Variants in CELF1 observed in about 807,000 individuals in gnomAD.
CELF1 encodes 50 kDa nuclear polyadenylated RNA-binding protein.
CELF1 carries 10 observed loss-of-function variants against 61.8 expected under a neutral mutation model. The ratio of observed to expected loss-of-function variants is 0.16; its 90% CI spans 0.10 to 0.27. The LOEUF is 0.27. Among genes scored for constraint, CELF1 ranks in the 10% least tolerant of loss-of-function variants. The probability of loss-of-function intolerance (pLI) is 1.00; values close to 1 mark genes in which losing one functional copy is unlikely to be tolerated. For synonymous variants in CELF1, 236 were observed against 225.1 expected, an observed-to-expected ratio of 1.05 and a Z score of -0.43; for missense variants, 380 against 639.1, an observed-to-expected ratio of 0.59 and a Z score of 4.37.
At chr11:47,513,760 C>CA (rs2095386636) in intron 1 of CELF1, 1 of 144,150 alleles carries the variant, frequency 6.9e-6, no homozygotes, top group Non-Finnish European at 1.5e-5. Flanking sequence ...CGGCCACCCT[C>CA]TTTTTTTTTT....
At chr11:47,475,007 T>C (rs2079356644) in intron 13 of CELF1, among the ~76,000 whole-genome samples, 1 of 152,232 alleles carries the variant, frequency 6.6e-6, no homozygotes, top group Non-Finnish European at 1.5e-5. Context: ...GATCCTCTGA[T>C]AGATTTGTAA....
intron 1 of CELF1, among the ~76,000 whole-genome samples, chr11:47,508,026 A>G (rs1184124621): frequency 6.6e-6 from 1 of 152,204 alleles, no homozygotes; most frequent in East Asian, 1.9e-4. Context: ...ATCCTTTATC[A>G]TTATGACCAT....
At chr11:47,564,171 C>CAA (rs779009192) in intron 2 of CELF1, among the ~76,000 whole-genome samples, 12,247 of 62,810 alleles carry the variant, frequency 0.19, 968 homozygotes, top group African/African-American at 0.26. Flanking sequence ...ACTAAAAATA[C>CAA]AAAAAAAAAA....
intron 1 of CELF1, among the ~76,000 whole-genome samples, chr11:47,540,114 C>A (rs1244115929): frequency 3.9e-5 from 6 of 152,198 alleles, no homozygotes; most frequent in Non-Finnish European, 4.4e-5. Context: ...CTGAACCACT[C>A]CCCTAAAGTA....
At chr11:47,477,680 G>A (rs1017075895) in intron 10 of CELF1, 1 of 361,164 alleles carries the variant, frequency 2.8e-6, no homozygotes, top group Non-Finnish European at 5.2e-6. Context: ...TAAAGGTGTG[G>A]GCAATTAGGA....
rs2097182960 is a variant in CELF1 at position 47,552,976 on chromosome 11, C to G, written c.-154+16G>C. 1 of 397,814 alleles carries G rather than the reference C, an allele frequency of 2.5e-6. No individual in the cohort carries two copies. The highest frequency in any genetic ancestry group is 4.4e-5 in the Admixed American group (1 of 22,686). The allele number at this position is 397,814 out of a possible 1,614,324, so 24.6% of individuals were successfully genotyped here. ...CTCCCTCCCGCGGCCCGTTATCCTG[C>G]GGCCGCAGCACTCACCAGCGGCTGC... On this transcript the variant is annotated intron_variant, in intron 1 of 14. Coordinates refer to ENST00000687097, the MANE Select transcript of CELF1 (RefSeq NM_001376376.1).
chr11:47,488,780 C>A, intron 4 of CELF1, 57 bp downstream of exon 4: 1 of 1,333,790 alleles, frequency 7.5e-7, no homozygotes, highest in Non-Finnish European at 9.8e-7. Flanking sequence ...CCAAAGCCCT[C>A]ACCTGCTCTG....
At chr11:47,529,095 T>G (rs1478430735) in intron 1 of CELF1, among the ~76,000 whole-genome samples, 4 of 150,408 alleles carry the variant, frequency 2.7e-5, no homozygotes, top group African/African-American at 9.7e-5. Context: ...TTTTTTTTTT[T>G]GAGACAGAGT....
Position 47,469,831 on chromosome 11 carries a change from G to A in CELF1, c.*2399C>T, listed in dbSNP as rs1400066830. 6.6e-6 allele frequency: 1 copy of A among 152,230 alleles called. No individual in the cohort carries two copies. Among genetic ancestry groups the A allele is most frequent in the African/African-American group, 2.4e-5 (1 of 41,448 alleles). 9.4% of individuals were successfully genotyped at this position (152,230 alleles called of 1,614,324 possible). Reference sequence around the variant, plus strand: ...GGCCTCTTATGTCATTAGGAAAGGGGTTTCATAAGGTCCCAGAGCCCAGGA... The same window carrying A: ...GGCCTCTTATGTCATTAGGAAAGGGATTTCATAAGGTCCCAGAGCCCAGGA... On this transcript the variant is annotated 3_prime_UTR_variant, in exon 15 of 15. Coordinates refer to ENST00000687097, the MANE Select transcript of CELF1 (RefSeq NM_001376376.1).
intron 1 of CELF1, among the ~76,000 whole-genome samples, chr11:47,519,766 G>A (rs984550528): frequency 6.6e-6 from 1 of 151,942 alleles, no homozygotes; most frequent in African/African-American, 2.4e-5. Flanking sequence ...GGGAGGCTGA[G>A]GCAGGAGAAT....
chr11:47,551,377 T>C (rs1322866259), intron 1 of CELF1, among the ~76,000 whole-genome samples: 1 of 152,208 alleles, frequency 6.6e-6, no homozygotes, highest in Non-Finnish European at 1.5e-5. Flanking sequence ...CCAGCTTTGC[T>C]TTACCAACAG....
intron 1 of CELF1, among the ~76,000 whole-genome samples, chr11:47,539,854 A>G (rs2096730671): frequency 6.6e-6 from 1 of 152,028 alleles, no homozygotes; most frequent in South Asian, 2.1e-4. Flanking sequence ...CTCCCTCCCT[A>G]CGGAATGACC....
chr11:47,526,329 A>G (rs1459352318), intron 1 of CELF1, among the ~76,000 whole-genome samples: 5 of 152,108 alleles, frequency 3.3e-5, no homozygotes, highest in African/African-American at 4.8e-5. Flanking sequence ...TCAAGGAAGA[A>G]AAAAAGAAGG....
intron 9 of CELF1, 108 bp from the exon 10 acceptor site, chr11:47,479,060 A>G: frequency 1.2e-6 from 1 of 805,502 alleles, no homozygotes; most frequent in Non-Finnish European, 2.0e-6. Context: ...CCCCAGAGAG[A>G]AGAAAGTCAA....
intron 1 of CELF1, among the ~76,000 whole-genome samples, chr11:47,516,109 AG>A (rs2095538499): frequency 6.7e-6 from 1 of 148,460 alleles, no homozygotes; most frequent in Non-Finnish European, 1.5e-5. Flanking sequence ...AGGCTACGGC[AG>A]GAAGAATTGC....
intron 2 of CELF1, among the ~76,000 whole-genome samples, chr11:47,561,908 A>T (rs2097226784): frequency 6.6e-6 from 1 of 152,052 alleles, no homozygotes; most frequent in Non-Finnish European, 1.5e-5. Context: ...TAAGACAGGT[A>T]TCAACACACA....
chr11:47,479,802 C>T (rs1412783448), intron 9 of CELF1, among the ~76,000 whole-genome samples: 1 of 152,170 alleles, frequency 6.6e-6, no homozygotes, highest in African/African-American at 2.4e-5. Context: ...TTTATTCAAC[C>T]TGTTTCCCAT....
At chr11:47,493,435 G>A (rs2092328170) in intron 3 of CELF1, among the ~76,000 whole-genome samples, 1 of 150,626 alleles carries the variant, frequency 6.6e-6, no homozygotes, top group African/African-American at 2.5e-5. Context: ...TTGAACCCGG[G>A]AGGCGGAGAC....
intron 1 of CELF1, among the ~76,000 whole-genome samples, chr11:47,552,166 GAA>G (rs1379812714): frequency 1.3e-5 from 2 of 152,170 alleles, no homozygotes; most frequent in African/African-American, 2.4e-5. Flanking sequence ...CTCCTGGCGA[GAA>G]AGAGATTCCA....
Sources: gnomAD v4.1 joint callset for allele counts (sites outside exome capture counted in the v4.1 genomes callset) on GRCh38, gnomAD v4.1.1 for gene constraint, MANE v1.5 for transcripts, NCBI Gene and HGNC (gene_info 2026-07-23, HGNC 2026-07-21) for gene names.